The following SLC12A1 variants were observed in gnomAD, a reference collection of about 807,000 sequenced individuals.
SLC12A1 encodes the protein Na-K-2Cl cotransporter.
Under a neutral mutation model 130.4 loss-of-function variants are expected in SLC12A1, and 89 were observed. The ratio of observed to expected loss-of-function variants is 0.68; its 90% CI spans 0.58 to 0.81. The LOEUF is 0.81. Ranked by LOEUF, SLC12A1 falls within the 40% of genes least tolerant of loss-of-function variation. The probability of loss-of-function intolerance (pLI) is 0.00; values close to 1 mark genes in which losing one functional copy is unlikely to be tolerated. For missense variants in SLC12A1, 1,310 were observed against 1,336.4 expected, an observed-to-expected ratio of 0.98 and a Z score of 0.31; for synonymous variants, 499 against 460.0, an observed-to-expected ratio of 1.08 and a Z score of -1.09.
chr15:48,251,644 A>G lies in SLC12A1; in HGVS notation c.1816A>G (p.Met606Val), dbSNP rs1419821791. Residue 606 changes from methionine (M) to valine (V), a missense_variant, in exon 15 of 27, where the codon ATG (methionine) becomes GTG (valine). Coordinates refer to ENST00000380993, the MANE Select transcript of SLC12A1 (RefSeq NM_000338.3). ...GWRPAYGIYN[M>V]WVSLFGAVLC... Reference sequence around the variant, plus strand: ...GAGACCTGCGTATGGAATTTACAACATGTGGGTATCTCTTTTTGGAGCTGT... The same window carrying G: ...GAGACCTGCGTATGGAATTTACAACGTGTGGGTATCTCTTTTTGGAGCTGT... The G allele has an allele frequency of 2.5e-6, 4 of 1,613,736 alleles. No homozygotes were observed. In the African/African-American group the frequency reaches 4.0e-5, roughly 16 times the overall value.
rs117594102 is a variant in SLC12A1, at chr15:48,220,246, T to C, written c.421-388T>C. Among the ~76,000 whole-genome samples the C allele has an allele frequency of 1.6e-3, 239 of 152,186 alleles. 3 individuals are homozygous for C. In the East Asian group the frequency reaches 0.024, roughly 15 times the overall value. On this transcript the variant is annotated intron_variant, in intron 2 of 26. Transcript: ENST00000380993. ...AGATCCTCTACTTAGCTCAGGAAGTTTCTCTTTTTGGTCGTAACATGACTT... is the reference window on the plus strand; with the variant it reads ...AGATCCTCTACTTAGCTCAGGAAGTCTCTCTTTTTGGTCGTAACATGACTT...
At position 48,230,484 on chromosome 15, in the gene SLC12A1, G is replaced by A; in HGVS notation, c.956G>A (p.Gly319Glu). ...VVILLGISVAGMEWEAKAQVI... is the reference protein window; with the variant it reads ...VVILLGISVAEMEWEAKAQVI... ...ATTCTTCTAGGAATTTCAGTAGCTGGAATGGAATGGGAGGCAAAGGTAAAT... is the reference window on the plus strand; with the variant it reads ...ATTCTTCTAGGAATTTCAGTAGCTGAAATGGAATGGGAGGCAAAGGTAAAT... The change falls in exon 7 of 27, where the codon GGA becomes GAA. Residue 319 changes from glycine to glutamate, a missense_variant. By Grantham distance (98) the Gly-to-Glu change is moderately conservative. Coordinates refer to ENST00000380993, the MANE Select transcript of SLC12A1 (RefSeq NM_000338.3). 1 of 1,609,078 alleles carries A rather than the reference G, an allele frequency of 6.2e-7. No homozygotes were observed. Among genetic ancestry groups the A allele is most frequent in the Non-Finnish European group, 8.5e-7 (1 of 1,176,478 alleles).
chr15:48,286,645 G>A lies in SLC12A1; in HGVS notation c.2629+1396G>A, dbSNP rs188498458. The stretch of plus-strand genomic sequence containing the variant: ...ATTTATTCTGGAAGCTTATTTCTGC[G>A]TCACAATACTTGTTTTGGCAAAAAT... On this transcript the variant is annotated intron_variant, in intron 21 of 26. Coordinates refer to ENST00000380993, the MANE Select transcript of SLC12A1 (RefSeq NM_000338.3). 1.2e-3 allele frequency among the ~76,000 whole-genome samples: 179 copies of A among 152,274 alleles called. 1 individual carries two copies. Among genetic ancestry groups the A allele is most frequent in the African/African-American group, 3.7e-3 (155 of 41,554 alleles).
intron 26 of SLC12A1, among the ~76,000 whole-genome samples, chr15:48,302,342 C>T (rs1288228915): frequency 6.6e-6 from 1 of 151,862 alleles, no homozygotes. Flanking sequence ...GGCTGCCGGC[C>T]GGGCGCGGTG....
intron 20 of SLC12A1, among the ~76,000 whole-genome samples, chr15:48,276,696 G>A (rs1376163131): frequency 6.6e-6 from 1 of 152,110 alleles, no homozygotes; most frequent in Non-Finnish European, 1.5e-5. Context: ...AGCCTGGGCG[G>A]ACTAATACAG....
intron 22 of SLC12A1, 105 bp from the exon 23 acceptor site, chr15:48,288,299 TA>T: frequency 8.7e-7 from 1 of 1,145,086 alleles, no homozygotes; most frequent in South Asian, 1.5e-5. Context: ...CCAAAGACTA[TA>T]ACTTAATTAA....
chr15:48,302,357 A>C (rs887584488), intron 26 of SLC12A1, among the ~76,000 whole-genome samples: 4 of 151,678 alleles, frequency 2.6e-5, no homozygotes, highest in Admixed American at 1.3e-4. Context: ...GCGGTGGCTC[A>C]CGCCTGCAAT....
At chr15:48,293,707 T>C (rs2042144114) in intron 24 of SLC12A1, among the ~76,000 whole-genome samples, 1 of 152,214 alleles carries the variant, frequency 6.6e-6, no homozygotes, top group African/African-American at 2.4e-5. Flanking sequence ...TTGAGGTTAT[T>C]CATGATCCTT....
At chr15:48,212,942 C>T (rs946323602) in intron 2 of SLC12A1, among the ~76,000 whole-genome samples, 4 of 152,130 alleles carry the variant, frequency 2.6e-5, no homozygotes, top group Admixed American at 6.5e-5. Context: ...TTGTTGAGAA[C>T]TTGTTATGTT....
intron 21 of SLC12A1, among the ~76,000 whole-genome samples, chr15:48,286,839 T>C (rs747253190): frequency 2.6e-5 from 4 of 152,238 alleles, no homozygotes; most frequent in African/African-American, 4.8e-5. Flanking sequence ...GAACCAATCC[T>C]GCCTCCAGGT....
chr15:48,218,713 T>A (rs1236542510), intron 2 of SLC12A1, among the ~76,000 whole-genome samples: 1 of 152,194 alleles, frequency 6.6e-6, no homozygotes, highest in Non-Finnish European at 1.5e-5. Context: ...GATATAGTCA[T>A]TCTATAATCG....
chr15:48,261,221 G>GAGA (rs1468785647), intron 17 of SLC12A1, among the ~76,000 whole-genome samples: 1 of 152,118 alleles, frequency 6.6e-6, no homozygotes, highest in Non-Finnish European at 1.5e-5. Context: ...ATATCTTTAG[G>GAGA]ACTGAAGAAA....
intron 23 of SLC12A1, among the ~76,000 whole-genome samples, chr15:48,289,925 T>C (rs1450139890): frequency 1.3e-5 from 2 of 152,156 alleles, no homozygotes; most frequent in Non-Finnish European, 2.9e-5. Flanking sequence ...AAAATACTTT[T>C]CTTCAAAGCT....
At chr15:48,231,016 T>C (rs971809090) in intron 7 of SLC12A1, among the ~76,000 whole-genome samples, 3 of 152,228 alleles carry the variant, frequency 2.0e-5, no homozygotes, top group Non-Finnish European at 4.4e-5. Context: ...AATTTCCGAA[T>C]GATGGGAAAC....
intron 4 of SLC12A1, 68 bp from the exon 5 acceptor site, chr15:48,226,408 T>C: frequency 1.0e-6 from 1 of 968,944 alleles, no homozygotes; most frequent in East Asian, 2.5e-5. Flanking sequence ...GGCAGTGTAG[T>C]TTGCAGCAAT....
chr15:48,278,626 G>T (rs1270853422), intron 20 of SLC12A1, among the ~76,000 whole-genome samples: 6 of 152,196 alleles, frequency 3.9e-5, no homozygotes, highest in Non-Finnish European at 8.8e-5. Flanking sequence ...GCAATTACAA[G>T]AACTTAGTAT....
At chr15:48,242,870 T>C (rs1452424771) in intron 10 of SLC12A1, among the ~76,000 whole-genome samples, 1 of 151,978 alleles carries the variant, frequency 6.6e-6, no homozygotes, top group Non-Finnish European at 1.5e-5. Flanking sequence ...TGTAAAGAGA[T>C]TTTTTTTGTT....
intron 19 of SLC12A1, among the ~76,000 whole-genome samples, chr15:48,272,732 T>C (rs887956566): frequency 6.6e-6 from 1 of 152,182 alleles, no homozygotes; most frequent in African/African-American, 2.4e-5. Context: ...CAGCCAAGTA[T>C]GGTTTAATTT....
chr15:48,239,569 T>C (rs1404120237), intron 9 of SLC12A1, among the ~76,000 whole-genome samples: 2 of 149,696 alleles, frequency 1.3e-5, no homozygotes, highest in South Asian at 2.1e-4. Flanking sequence ...AGAGTCATGA[T>C]GGAATCTCAT....
Sources: gnomAD v4.1 joint callset for allele counts (sites outside exome capture counted in the v4.1 genomes callset) on GRCh38, gnomAD v4.1.1 for gene constraint, MANE v1.5 for transcripts, NCBI Gene and HGNC (gene_info 2026-07-23, HGNC 2026-07-21) for gene names.